SDK2: variants seen among roughly 807,000 people sequenced by gnomAD.
The protein encoded by SDK2 is protein sidekick-2.
In SDK2, 105 loss-of-function variants were observed where a neutral mutation model predicts 253.9. The observed-to-expected ratio is 0.41, with a 90% CI of 0.35 to 0.49. The LOEUF is 0.49. Ranked by LOEUF, SDK2 falls within the 20% of genes least tolerant of loss-of-function variation. The pLI is 0.06. For missense variants in SDK2, 2,608 were observed against 3,003.0 expected (o/e 0.87, Z 3.07); for synonymous variants, 1,249 against 1,234.9 (o/e 1.01, Z -0.24).
rs1439597715 is a variant in SDK2 at position 73,335,018 on chromosome 17, G to A, written c.*3569C>T. ...GAAGGCCTTGAGGCAGCGTGCACCA[G>A]GTGGGGGCAGCCCCCGCTGTGTCCT... On this transcript the variant is annotated 3_prime_UTR_variant, in exon 45 of 45. Transcript: ENST00000392650. 2.6e-5 allele frequency: 4 copies of A among 152,522 alleles called. No individual in the cohort carries two copies. The highest frequency in any genetic ancestry group is 4.8e-5 in the African/African-American group (2 of 41,444). 9.4% of individuals were successfully genotyped at this position (152,522 alleles called of 1,614,324 possible). A position where few individuals can be genotyped will look rare whatever the true frequency, so the allele number is the denominator to read the frequency against.
intron 1 of SDK2, among the ~76,000 whole-genome samples, chr17:73,636,148 A>G (rs2046326966): frequency 1.3e-5 from 2 of 152,170 alleles, no homozygotes; most frequent in African/African-American, 2.4e-5. Flanking sequence ...AGCAGTGGAA[A>G]GAGGACAGAT....
intron 1 of SDK2, among the ~76,000 whole-genome samples, chr17:73,640,822 C>A (rs2046389352): frequency 6.6e-6 from 1 of 152,144 alleles, no homozygotes; most frequent in Non-Finnish European, 1.5e-5. Context: ...TCCTTCTGTT[C>A]TCCCCCCAGG....
At chr17:73,489,274 C>T (rs952938677) in intron 2 of SDK2, among the ~76,000 whole-genome samples, 1 of 152,188 alleles carries the variant, frequency 6.6e-6, no homozygotes, top group African/African-American at 2.4e-5. Context: ...GTGGTCAGTT[C>T]CCTGGAGGCC....
chr17:73,523,795 A>T (rs1171790420), intron 1 of SDK2, among the ~76,000 whole-genome samples: 6 of 150,168 alleles, frequency 4.0e-5, no homozygotes, highest in Non-Finnish European at 8.9e-5. Context: ...ACAGGCCAGC[A>T]CTGCGCAGAG....
intron 1 of SDK2, among the ~76,000 whole-genome samples, chr17:73,596,543 C>T (rs548073807): frequency 2.0e-5 from 3 of 152,318 alleles, no homozygotes; most frequent in African/African-American, 7.2e-5. Context: ...CCTGTCCCAG[C>T]GTCCCAGCCT....
intron 1 of SDK2, among the ~76,000 whole-genome samples, chr17:73,522,980 G>C (rs2064094574): frequency 6.6e-6 from 1 of 152,190 alleles, no homozygotes; most frequent in Non-Finnish European, 1.5e-5. Context: ...TGTCCCGGCT[G>C]TGGCTGCCAC....
Position 73,616,980 on chromosome 17 carries a change from T to TGCATGGCACATGGGAGGC in SDK2, c.64+27027_64+27044dup, listed in dbSNP as rs2046065934. ...GAGAGGGCGGGTTTTCACAGGCCCATGCATGGCACATGGGAGGCCCACGAC... is the reference window on the plus strand; with the variant it reads ...GAGAGGGCGGGTTTTCACAGGCCCATGCATGGCACATGGGAGGCGCATGGCACATGGGAGGCCCACGAC... On this transcript the variant is annotated intron_variant, in intron 1 of 44. Transcript: ENST00000392650. The surrounding 1 kb of genome is among the most constrained non-coding windows in gnomAD (Gnocchi z 5.2). Among the ~76,000 whole-genome samples, 1 of 151,958 alleles carries TGCATGGCACATGGGAGGC rather than the reference T, an allele frequency of 6.6e-6. No homozygotes were observed. The highest frequency in any genetic ancestry group is 2.4e-5 in the African/African-American group (1 of 41,356).
chr17:73,485,339 G>A (rs368230186), intron 2 of SDK2, among the ~76,000 whole-genome samples: 1 of 152,180 alleles, frequency 6.6e-6, no homozygotes, highest in East Asian at 1.9e-4. Flanking sequence ...GGGAAGGCAA[G>A]GATGGTTGAA....
At chr17:73,599,889 T>C (rs1419159844) in intron 1 of SDK2, among the ~76,000 whole-genome samples, 1 of 152,184 alleles carries the variant, frequency 6.6e-6, no homozygotes, top group Non-Finnish European at 1.5e-5. Context: ...TGAAGGTAGG[T>C]GCCAAGTCCT....
chr17:73,511,544 A>G lies in SDK2; in HGVS notation c.65-3947T>C, dbSNP rs1388728801. Among the ~76,000 whole-genome samples the G allele has an allele frequency of 1.3e-5, 2 of 151,946 alleles. No individual in the cohort carries two copies. Among genetic ancestry groups the G allele is most frequent in the Non-Finnish European group, 2.9e-5 (2 of 67,976 alleles). ...GCTGGAGATAATGACTCTGGGGAGG[A>G]GGAGAGGGAAGGGGAGGCCTTTCCC... On this transcript the variant is annotated intron_variant, in intron 1 of 44. Transcript: ENST00000392650. The surrounding 1 kb of genome is among the most constrained non-coding windows in gnomAD (Gnocchi z 4.9).
At position 73,472,188 on chromosome 17, in the gene SDK2, G is replaced by T; in HGVS notation, c.255C>A (p.His85Gln). 6.4e-7 allele frequency: 1 copy of T among 1,551,678 alleles called. No homozygotes were observed. The highest frequency in any genetic ancestry group is 8.7e-7 in the Non-Finnish European group (1 of 1,146,962). Residue 85 changes from histidine (H) to glutamine (Q), a missense_variant, in exon 3 of 45, where the codon CAC becomes CAA. Around this residue, in one of 2 missense-constraint regions of SDK2, gnomAD observed 1,505 missense variants for 1,859.1 expected, o/e 0.81. Coordinates refer to ENST00000392650, the MANE Select transcript of SDK2 (RefSeq NM_001144952.2). ...GCACGATGCAACGGTAAAAGCCAGC[G>T]TGGGTGCGGTCCAGGCTGGTGATCA... ...RYMITSLDRT[H>Q]AGFYRCIVRN... is the part of the protein sequence containing the mutation.
intron 3 of SDK2, among the ~76,000 whole-genome samples, chr17:73,461,986 G>GTTTA (rs2063565609): frequency 6.6e-6 from 1 of 152,018 alleles, no homozygotes. Context: ...ATGCATGTAT[G>GTTTA]CATGTGTCAT....
intron 3 of SDK2, among the ~76,000 whole-genome samples, chr17:73,466,128 A>G (rs1382141243): frequency 6.6e-6 from 1 of 152,136 alleles, no homozygotes; most frequent in Non-Finnish European, 1.5e-5. Context: ...ACCTCCTTAA[A>G]TTGGGCACCC....
intron 24 of SDK2, among the ~76,000 whole-genome samples, chr17:73,396,315 C>T (rs548537759): frequency 2.0e-4 from 30 of 152,098 alleles, no homozygotes; most frequent in Non-Finnish European, 4.3e-4. Context: ...TGGAGGTGTG[C>T]ACACAGGGAG....
intron 1 of SDK2, among the ~76,000 whole-genome samples, chr17:73,578,060 C>CTTT (rs34300652): frequency 7.2e-6 from 1 of 139,032 alleles, no homozygotes. Flanking sequence ...CTATGGACAT[C>CTTT]TTTTTTTTTT....
chr17:73,418,023 T>G (rs921642389), intron 16 of SDK2, among the ~76,000 whole-genome samples: 46 of 149,518 alleles, frequency 3.1e-4, no homozygotes, highest in African/African-American at 9.4e-4. Flanking sequence ...TTTTTTTTTT[T>G]TTTTTGTTTT....
At chr17:73,355,176 T>TATATATATATATATATATATATATATATA (rs1568363071) in intron 40 of SDK2, among the ~76,000 whole-genome samples, 1 of 5,784 alleles carries the variant, frequency 1.7e-4, no homozygotes, top group Admixed American at 2.8e-3. Context: ...ATATATATAT[T>TATATATATATATATATATATATATATATA]TTTTTTTTTT....
At chr17:73,421,540 A>T (rs2063230130) in intron 15 of SDK2, among the ~76,000 whole-genome samples, 1 of 138,808 alleles carries the variant, frequency 7.2e-6, no homozygotes, top group Admixed American at 7.1e-5. Context: ...ATGTTTTTAT[A>T]TGAAGCATCT....
rs11443969 is a variant in SDK2 at position 73,393,242 on chromosome 17, CA to C, written c.3898+317del. On this transcript the variant is annotated intron_variant, in intron 27 of 44. Coordinates refer to ENST00000392650, the MANE Select transcript of SDK2 (RefSeq NM_001144952.2). ...CCTGGGTGACAGAGTGATACTCTAT[CA>C]AAAAAAAAAAAAAAAAAAAAAGAAA... 6.0e-3 allele frequency among the ~76,000 whole-genome samples: 514 copies of C among 85,520 alleles called. 7 individuals carry two copies. In the East Asian group the frequency reaches 0.071, roughly 12 times the overall value. 56.1% of individuals were successfully genotyped at this position (85,520 alleles called of 152,430 possible).
Sources: allele counts gnomAD v4.1 joint callset (sites outside exome capture counted in the v4.1 genomes callset), GRCh38; gene constraint gnomAD v4.1.1; regional missense constraint gnomAD v4.1.1; non-coding constraint Gnocchi (gnomAD v3.1); transcripts MANE v1.5; gene names NCBI Gene and HGNC (gene_info 2026-07-23, HGNC 2026-07-21).